ADAMTSL1: variants seen among roughly 807,000 people sequenced by gnomAD.
ADAMTSL1 encodes the protein ADAMTS-like protein 1.
ADAMTSL1 carries 126 observed loss-of-function variants against 201.8 expected under a neutral mutation model. That is an observed-to-expected ratio of 0.62 (90% CI 0.54 to 0.72). The LOEUF (loss-of-function observed/expected upper bound fraction) is 0.72. Among genes scored for constraint, ADAMTSL1 ranks in the 30% least tolerant of loss-of-function variants. The pLI, the probability that ADAMTSL1 is intolerant of heterozygous loss-of-function variation, is 0.00. For synonymous variants in ADAMTSL1, 1,121 were observed against 903.4 expected (o/e 1.24, Z -4.32); for missense variants, 2,679 against 2,277.8 (o/e 1.18, Z -3.59).
chr9:18,528,792 A>C (rs1416553144), intron 2 of ADAMTSL1, among the ~76,000 whole-genome samples: 1 of 152,184 alleles, frequency 6.6e-6, no homozygotes, highest in East Asian at 1.9e-4. Flanking sequence ...ACAGTGCTGT[A>C]ACTATTTTAT....
At chr9:18,810,720 T>C (rs528310501) in intron 20 of ADAMTSL1, among the ~76,000 whole-genome samples, 42 of 152,318 alleles carry the variant, frequency 2.8e-4, no homozygotes, top group African/African-American at 9.1e-4. Context: ...CATGAAGTTC[T>C]GTATTTTATT....
At chr9:18,058,204 T>C (rs1233401208) in intron 1 of ADAMTSL1, among the ~76,000 whole-genome samples, 1 of 152,250 alleles carries the variant, frequency 6.6e-6, no homozygotes, top group Admixed American at 6.5e-5. Flanking sequence ...TTTTGGTTTT[T>C]ACACAATAAG....
At chr9:17,970,573 T>G (rs1818167301) in intron 1 of ADAMTSL1, among the ~76,000 whole-genome samples, 1 of 152,078 alleles carries the variant, frequency 6.6e-6, no homozygotes, top group South Asian at 2.1e-4. Flanking sequence ...GCTGCCACAG[T>G]GGCTTCCCTC....
intron 1 of ADAMTSL1, among the ~76,000 whole-genome samples, chr9:18,049,567 GTAGAGTC>G (rs1253994686): frequency 6.6e-6 from 1 of 151,548 alleles, no homozygotes; most frequent in East Asian, 1.9e-4. Flanking sequence ...GAGCCCAGTG[GTAGAGTC>G]CTGATGGAAC....
chr9:18,350,956 A>G (rs1394819303), intron 2 of ADAMTSL1, among the ~76,000 whole-genome samples: 1 of 152,228 alleles, frequency 6.6e-6, no homozygotes, highest in Non-Finnish European at 1.5e-5. Flanking sequence ...ATATAGATGT[A>G]TATATGAAAT....
At chr9:18,593,807 G>C (rs761606801) in intron 4 of ADAMTSL1, among the ~76,000 whole-genome samples, 1 of 151,816 alleles carries the variant, frequency 6.6e-6, no homozygotes, top group Non-Finnish European at 1.5e-5. Flanking sequence ...TTAATGTTAT[G>C]AGATTTGTTT....
chr9:18,884,618 G>T (rs1416981019), intron 23 of ADAMTSL1, among the ~76,000 whole-genome samples: 3 of 151,980 alleles, frequency 2.0e-5, no homozygotes, highest in Admixed American at 6.6e-5. Context: ...TTCACATATG[G>T]ATATCCATTT....
chr9:18,151,902 T>A (rs1255959110), intron 1 of ADAMTSL1, among the ~76,000 whole-genome samples: 1 of 152,056 alleles, frequency 6.6e-6, no homozygotes, highest in African/African-American at 2.4e-5. Flanking sequence ...TACATTGGAA[T>A]GTCCACACAC....
chr9:18,271,828 C>G (rs1028182476), intron 2 of ADAMTSL1, among the ~76,000 whole-genome samples: 1 of 152,268 alleles, frequency 6.6e-6, no homozygotes, highest in African/African-American at 2.4e-5. Context: ...CACATCCTCT[C>G]CAGCACCTGT....
chr9:18,807,665 AAAAAC>A (rs1470915693), intron 20 of ADAMTSL1, among the ~76,000 whole-genome samples: 5 of 147,108 alleles, frequency 3.4e-5, no homozygotes, highest in Admixed American at 3.4e-4. Flanking sequence ...AAAACAAAAA[AAAAAC>A]AAAGCATACA....
chr9:18,905,745 G>C, intron 26 of ADAMTSL1, 37 bp from the exon 27 acceptor site: 1 of 1,560,242 alleles, frequency 6.4e-7, no homozygotes, highest in Non-Finnish European at 8.8e-7. Context: ...CCTTGACTTG[G>C]CTAATGTGCG....
At chr9:18,055,236 A>G (rs942903914) in intron 1 of ADAMTSL1, among the ~76,000 whole-genome samples, 5 of 152,238 alleles carry the variant, frequency 3.3e-5, no homozygotes, top group Non-Finnish European at 5.9e-5. Flanking sequence ...AAGCAGATAC[A>G]TAGCTATCCT....
chr9:18,381,823 G>A (rs934819813), intron 2 of ADAMTSL1, among the ~76,000 whole-genome samples: 2 of 151,886 alleles, frequency 1.3e-5, no homozygotes, highest in African/African-American at 2.4e-5. Flanking sequence ...TGCTCCTGGT[G>A]AACTATCTCA....
chr9:18,857,755 A>G (rs1038028030), intron 23 of ADAMTSL1, among the ~76,000 whole-genome samples: 1 of 152,210 alleles, frequency 6.6e-6, no homozygotes, highest in Non-Finnish European at 1.5e-5. Flanking sequence ...TACCTGCATG[A>G]ACTTGTGGCC....
At chr9:18,717,738 C>T (rs1833042008) in intron 14 of ADAMTSL1, among the ~76,000 whole-genome samples, 5 of 152,160 alleles carry the variant, frequency 3.3e-5, no homozygotes, top group Admixed American at 3.3e-4. Context: ...GTAGTCTCTG[C>T]TTTTACCAGC....
chr9:18,213,460 T>A (rs1424951863), intron 2 of ADAMTSL1, among the ~76,000 whole-genome samples: 1 of 152,128 alleles, frequency 6.6e-6, no homozygotes, highest in Non-Finnish European at 1.5e-5. Flanking sequence ...TAGAACTTAG[T>A]GAGAAGCTAA....
At chr9:18,173,835 G>A (rs4961626) in intron 2 of ADAMTSL1, among the ~76,000 whole-genome samples, 46,531 of 151,898 alleles carry the variant, frequency 0.31, 7,388 homozygotes, top group Admixed American at 0.39. Flanking sequence ...TTCATATTGT[G>A]AGGCCCTTCC....
chr9:18,050,050 A>G (rs1423023863), intron 1 of ADAMTSL1, among the ~76,000 whole-genome samples: 2 of 152,240 alleles, frequency 1.3e-5, no homozygotes, highest in African/African-American at 2.4e-5. Context: ...ATATTCCTTG[A>G]AAGAAAGTTT....
intron 23 of ADAMTSL1, among the ~76,000 whole-genome samples, chr9:18,852,516 A>T (rs530781402): frequency 6.6e-6 from 1 of 152,192 alleles, no homozygotes; most frequent in Non-Finnish European, 1.5e-5. Flanking sequence ...CAGTAAACCT[A>T]TCTTCTCATT....
Sources: allele counts gnomAD v4.1 joint callset (sites outside exome capture counted in the v4.1 genomes callset), GRCh38; gene constraint gnomAD v4.1.1; transcripts MANE v1.5; gene names NCBI Gene and HGNC (gene_info 2026-07-23, HGNC 2026-07-21).